The following NDNF variants were observed in gnomAD, a reference collection of about 807,000 sequenced individuals.
The protein encoded by NDNF is protein NDNF.
Under a neutral mutation model 42.0 loss-of-function variants are expected in NDNF, and 16 were observed. The ratio of observed to expected loss-of-function variants is 0.38; its 90% confidence interval spans 0.26 to 0.58. The LOEUF (loss-of-function observed/expected upper bound fraction) is 0.58, where lower values mean the gene tolerates loss of function less well. Among genes scored for constraint, NDNF ranks in the 20% least tolerant of loss-of-function variants. The probability of loss-of-function intolerance (pLI) is 0.67; values close to 1 mark genes in which losing one functional copy is unlikely to be tolerated. For missense variants in NDNF, 616 were observed against 666.2 expected, an observed-to-expected ratio of 0.92 and a Z score of 0.83; for synonymous variants, 248 against 251.7, an observed-to-expected ratio of 0.99 and a Z score of 0.14.
At position 121,036,919 on chromosome 4, in the gene NDNF, G is replaced by T. The variant is rs752323006; in HGVS notation, c.1052C>A (p.Thr351Lys). The change falls in exon 4 of 4, where the codon ACA (threonine) becomes AAA (lysine). Residue 351 changes from threonine (T) to lysine (K), a missense_variant. Coordinates refer to ENST00000379692, the MANE Select transcript of NDNF (RefSeq NM_024574.4). Reference sequence around the variant, plus strand: ...TCCCTTCCTTTTAACAAATACATCTGTTATCTTCCCATCTTTTAGCTCGAC... The same window carrying T: ...TCCCTTCCTTTTAACAAATACATCTTTTATCTTCCCATCTTTTAGCTCGAC... ...KTVELKDGKITDVFVKRKGAK... is the reference protein window; with the variant it reads ...KTVELKDGKIKDVFVKRKGAK... 1.2e-6 allele frequency: 2 copies of T among 1,613,942 alleles called. No individual in the cohort carries two copies.
chr4:121,055,445 G>C (rs1204726729), intron 1 of NDNF, among the ~76,000 whole-genome samples: 1 of 152,142 alleles, frequency 6.6e-6, no homozygotes, highest in Non-Finnish European at 1.5e-5. Context: ...TTGATTATAG[G>C]AACGTGCATA....
At position 121,066,638 on chromosome 4, in the gene NDNF, T is replaced by C. The variant is rs191692102; in HGVS notation, c.-2+5355A>G. Among the ~76,000 whole-genome samples the C allele has an allele frequency of 1.9e-3, 284 of 152,294 alleles. 1 individual carries two copies. The highest frequency in any genetic ancestry group is 6.0e-3 in the African/African-American group (251 of 41,578). Reference sequence around the variant, plus strand: ...ACATTATAAATTTTAAAAACAGTCATGGTGATTTCAAAAACAAGATGTCAT... The same window carrying C: ...ACATTATAAATTTTAAAAACAGTCACGGTGATTTCAAAAACAAGATGTCAT... On this transcript the variant is annotated intron_variant, in intron 1 of 3. Coordinates refer to ENST00000379692, the MANE Select transcript of NDNF (RefSeq NM_024574.4).
Position 121,036,472 on chromosome 4 carries a change from TG to T in NDNF, c.1498del (p.Gln500AsnfsTer3). 1 of 1,614,194 alleles carries T rather than the reference TG, an allele frequency of 6.2e-7. No homozygotes were observed. Among genetic ancestry groups the T allele is most frequent in the Non-Finnish European group, 8.5e-7 (1 of 1,180,028 alleles). On this transcript the variant is annotated frameshift_variant, in exon 4 of 4. Transcript: ENST00000379692. LOFTEE classifies it high-confidence loss of function. ...CTTCCTTATATCTGGTCCTAGACAT[TG>T]GTTTTGCTCTCTTTTCTTCTGGTCT... Reference protein sequence around the residue: ...NEDQKKREQNQCLGPDIRKKS... With the variant: ...NEDQKKREQNXCLGPDIRKKS...
chr4:121,057,455 C>T (rs907519648), intron 1 of NDNF, among the ~76,000 whole-genome samples: 1 of 152,128 alleles, frequency 6.6e-6, no homozygotes, highest in African/African-American at 2.4e-5. Flanking sequence ...AAGAGGGACA[C>T]GCTGCCAAGC....
intron 1 of NDNF, among the ~76,000 whole-genome samples, chr4:121,052,119 T>A (rs1337849232): frequency 6.6e-6 from 1 of 152,226 alleles, no homozygotes; most frequent in African/African-American, 2.4e-5. Context: ...ACCAACAAGT[T>A]CTTTGCAGAA....
chr4:121,040,157 T>TGA, intron 2 of NDNF, 103 bp from the exon 3 acceptor site: 1 of 1,142,098 alleles, frequency 8.8e-7, no homozygotes, highest in Non-Finnish European at 1.2e-6. Flanking sequence ...TTTCATTTTA[T>TGA]AAATTTTATA....
Position 121,036,403 on chromosome 4 carries a change from A to T in NDNF, c.1568T>A (p.Leu523Gln). The T allele has an allele frequency of 6.2e-7, 1 of 1,614,142 alleles. No homozygotes were observed. The highest frequency in any genetic ancestry group is 8.5e-7 in the Non-Finnish European group (1 of 1,180,022). ...VLCKYFHSQNLQKAVTTETIK... is the reference protein window; with the variant it reads ...VLCKYFHSQNQQKAVTTETIK... The stretch of plus-strand genomic sequence containing the variant: ...TGTTTCTGTGGTCACTGCTTTCTGC[A>T]GGTTTTGACTGTGGAAATATTTACA... Residue 523 changes from leucine to glutamine, a missense_variant, in exon 4 of 4, where the codon CTG (leucine) becomes CAG (glutamine). Leu to Gln is a moderately radical substitution (Grantham distance 113). Coordinates refer to ENST00000379692, the MANE Select transcript of NDNF (RefSeq NM_024574.4).
At chr4:121,044,453 G>T (rs1037297442) in intron 2 of NDNF, among the ~76,000 whole-genome samples, 12 of 151,656 alleles carry the variant, frequency 7.9e-5, no homozygotes, top group African/African-American at 2.7e-4. Flanking sequence ...AAGAGTTTGA[G>T]CACTACAAAA....
At chr4:121,059,319 C>T (rs1237860949) in intron 1 of NDNF, among the ~76,000 whole-genome samples, 1 of 152,066 alleles carries the variant, frequency 6.6e-6, no homozygotes, top group Admixed American at 6.5e-5. Context: ...GGGTGCACAA[C>T]GAATAAATGA....
chr4:121,062,601 C>T (rs1480729323), intron 1 of NDNF, among the ~76,000 whole-genome samples: 3 of 152,182 alleles, frequency 2.0e-5, no homozygotes, highest in East Asian at 3.8e-4. Flanking sequence ...AGATGACAAA[C>T]CACAAGTACT....
intron 3 of NDNF, chr4:121,037,918 T>C (rs1726907231): frequency 5.6e-6 from 2 of 357,240 alleles, no homozygotes; most frequent in Admixed American, 8.3e-5. Flanking sequence ...TCAGAGACTG[T>C]AAACTTTTGA....
At chr4:121,058,617 T>C (rs1196109113) in intron 1 of NDNF, among the ~76,000 whole-genome samples, 1 of 152,142 alleles carries the variant, frequency 6.6e-6, no homozygotes, top group Non-Finnish European at 1.5e-5. Context: ...CAGCGCAATC[T>C]TTCCAATTAT....
At chr4:121,043,823 C>T (rs181650645) in intron 2 of NDNF, among the ~76,000 whole-genome samples, 10 of 152,228 alleles carry the variant, frequency 6.6e-5, no homozygotes, top group African/African-American at 9.6e-5. Context: ...TTCACTCACA[C>T]GTAAATTTCA....
At chr4:121,056,327 G>A (rs1371810185) in intron 1 of NDNF, among the ~76,000 whole-genome samples, 1 of 152,216 alleles carries the variant, frequency 6.6e-6, no homozygotes, top group Non-Finnish European at 1.5e-5. Flanking sequence ...AGAAAACCAG[G>A]CTAGAGAGAG....
chr4:121,053,612 T>C (rs1727237163), intron 1 of NDNF, among the ~76,000 whole-genome samples: 1 of 152,156 alleles, frequency 6.6e-6, no homozygotes, highest in African/African-American at 2.4e-5. Context: ...TTAGAAGATA[T>C]GACAAAGTTC....
chr4:121,057,078 AC>A (rs1456797757), intron 1 of NDNF, among the ~76,000 whole-genome samples: 1 of 152,164 alleles, frequency 6.6e-6, no homozygotes, highest in Non-Finnish European at 1.5e-5. Context: ...TAGAGCTTAT[AC>A]TCAGTGGATA....
At chr4:121,057,761 T>G (rs1036814120) in intron 1 of NDNF, among the ~76,000 whole-genome samples, 2 of 152,214 alleles carry the variant, frequency 1.3e-5, no homozygotes, top group African/African-American at 4.8e-5. Flanking sequence ...TTCCTGACTT[T>G]CCGGAGTGAG....
At chr4:121,061,978 T>C (rs1727420049) in intron 1 of NDNF, among the ~76,000 whole-genome samples, 1 of 152,222 alleles carries the variant, frequency 6.6e-6, no homozygotes, top group Non-Finnish European at 1.5e-5. Context: ...GATATGAATG[T>C]TCTTTTAAAA....
Position 121,072,060 on chromosome 4 carries a change from T to C in NDNF, c.-69A>G, listed in dbSNP as rs1727615019. ...CCTCCCCGTGGTGTGGTGTGCGAAA[T>C]AGTCCACGTCCCCGGACCCTGCCAA... On this transcript the variant is annotated 5_prime_UTR_variant, in exon 1 of 4. Transcript: ENST00000379692. The C allele has an allele frequency of 2.0e-5, 3 of 152,136 alleles. No individual in the cohort carries two copies. 9.4% of individuals were successfully genotyped at this position (152,136 alleles called of 1,614,324 possible).
Sources: allele counts gnomAD v4.1 joint callset (sites outside exome capture counted in the v4.1 genomes callset), GRCh38; gene constraint gnomAD v4.1.1; transcripts MANE v1.5; gene names NCBI Gene and HGNC (gene_info 2026-07-23, HGNC 2026-07-21).